The following KCNIP4 variants were observed in gnomAD, a reference collection of about 807,000 sequenced individuals.
KCNIP4 encodes the protein potassium voltage-gated channel interacting protein 4.
Under a neutral mutation model 34.0 loss-of-function variants are expected in KCNIP4, and 12 were observed. The observed-to-expected ratio is 0.35, with a 90% confidence interval of 0.23 to 0.57. The LOEUF is 0.57. Ranked by LOEUF, KCNIP4 falls within the 20% of genes least tolerant of loss-of-function variation. The probability of loss-of-function intolerance (pLI) is 0.83; values close to 1 mark genes in which losing one functional copy is unlikely to be tolerated. For synonymous variants in KCNIP4, 124 were observed against 102.2 expected (o/e 1.21, Z -1.29); for missense variants, 238 against 311.7 (o/e 0.76, Z 1.78).
chr4:21,325,119 A>C (rs1277752899), intron 1 of KCNIP4, among the ~76,000 whole-genome samples: 1 of 151,886 alleles, frequency 6.6e-6, no homozygotes, highest in Non-Finnish European at 1.5e-5. Context: ...CAACTCACAT[A>C]ATATGAGTTT....
chr4:20,983,609 G>T (rs1354668376), intron 1 of KCNIP4, among the ~76,000 whole-genome samples: 1 of 152,112 alleles, frequency 6.6e-6, no homozygotes, highest in Non-Finnish European at 1.5e-5. Flanking sequence ...CAAATAGAAA[G>T]ATAATGGTAC....
At chr4:21,017,889 T>A (rs1739694055) in intron 1 of KCNIP4, among the ~76,000 whole-genome samples, 1 of 152,192 alleles carries the variant, frequency 6.6e-6, no homozygotes, top group African/African-American at 2.4e-5. Context: ...CCACTCTGAC[T>A]GGCATGAGAT....
At chr4:21,476,962 G>T (rs558710539) in intron 1 of KCNIP4, among the ~76,000 whole-genome samples, 1 of 152,130 alleles carries the variant, frequency 6.6e-6, no homozygotes, top group Non-Finnish European at 1.5e-5. Flanking sequence ...TGTCCTAGGT[G>T]CTGAAGATGC....
intron 1 of KCNIP4, among the ~76,000 whole-genome samples, chr4:21,556,929 A>AAAAAAAAAAAAAAAAAAAAAAAAAC (rs1739091307): frequency 6.8e-6 from 1 of 147,688 alleles, no homozygotes; most frequent in Non-Finnish European, 1.5e-5. Flanking sequence ...TCAGAAAAAA[A>AAAAAAAAAAAAAAAAAAAAAAAAAC]AAAAAAAAAA....
intron 1 of KCNIP4, among the ~76,000 whole-genome samples, chr4:21,560,407 TATTATA>T (rs1437690954): frequency 2.0e-5 from 3 of 152,124 alleles, no homozygotes; most frequent in Non-Finnish European, 4.4e-5. Flanking sequence ...TGTAAGTGCC[TATTATA>T]GATCAAAGTT....
At chr4:20,848,845 T>C (rs1720687024) in intron 3 of KCNIP4, among the ~76,000 whole-genome samples, 1 of 152,214 alleles carries the variant, frequency 6.6e-6, no homozygotes, top group Admixed American at 6.5e-5. Flanking sequence ...CTCTGAATTA[T>C]AGCAAAGAAG....
intron 1 of KCNIP4, among the ~76,000 whole-genome samples, chr4:21,384,683 C>T (rs917488804): frequency 2.0e-5 from 3 of 152,118 alleles, no homozygotes; most frequent in Admixed American, 2.0e-4. Flanking sequence ...GAGAATTTGC[C>T]CCAGAGAATT....
rs541018841 is a variant in KCNIP4 at position 21,461,247 on chromosome 4, G to A, written c.61+487324C>T. ...TCTCTCCACTGCTCCACCATGGGAA[G>A]ATGTGCCTTGCTTCTCCTTCACCTT... On this transcript the variant is annotated intron_variant, in intron 1 of 8. Coordinates refer to ENST00000382152, the MANE Select transcript of KCNIP4 (RefSeq NM_025221.6). 8.5e-5 allele frequency among the ~76,000 whole-genome samples: 13 copies of A among 152,090 alleles called. No individual in the cohort carries two copies. In the South Asian group the frequency reaches 1.0e-3, roughly 12 times the overall value.
chr4:21,094,912 C>A (rs554015792), intron 1 of KCNIP4, among the ~76,000 whole-genome samples: 10 of 152,276 alleles, frequency 6.6e-5, no homozygotes, highest in African/African-American at 2.2e-4. Flanking sequence ...AGTGCCAGAT[C>A]TAAGATCAGG....
intron 1 of KCNIP4, among the ~76,000 whole-genome samples, chr4:21,298,343 A>T (rs1161956634): frequency 1.3e-5 from 2 of 152,080 alleles, no homozygotes; most frequent in Non-Finnish European, 2.9e-5. Flanking sequence ...TTATGCTTTA[A>T]TTCAATGCTG....
At chr4:20,867,788 C>A (rs1311984235) in intron 2 of KCNIP4, among the ~76,000 whole-genome samples, 4 of 151,988 alleles carry the variant, frequency 2.6e-5, no homozygotes, top group Admixed American at 6.6e-5. Flanking sequence ...GGACAAAAAA[C>A]CAAACACTGC....
At chr4:21,442,764 T>C (rs1727602104) in intron 1 of KCNIP4, among the ~76,000 whole-genome samples, 1 of 152,184 alleles carries the variant, frequency 6.6e-6, no homozygotes, top group East Asian at 1.9e-4. Context: ...ACTTATTATC[T>C]TGATGACCTT....
intron 1 of KCNIP4, among the ~76,000 whole-genome samples, chr4:21,903,705 T>G (rs909161949): frequency 2.0e-5 from 3 of 152,166 alleles, no homozygotes; most frequent in Non-Finnish European, 2.9e-5. Flanking sequence ...TCATGAAATA[T>G]GCAATTTATT....
At chr4:21,769,716 A>T (rs1169161735) in intron 1 of KCNIP4, among the ~76,000 whole-genome samples, 1 of 152,126 alleles carries the variant, frequency 6.6e-6, no homozygotes, top group Non-Finnish European at 1.5e-5. Flanking sequence ...AATTTATGAC[A>T]CTGACGTGCA....
Position 21,545,723 on chromosome 4 carries a change from T to G in KCNIP4, c.61+402848A>C, listed in dbSNP as rs989045845. Among the ~76,000 whole-genome samples the G allele has an allele frequency of 5.3e-5, 8 of 152,306 alleles. No individual in the cohort carries two copies. The South Asian group carries it at 1.4e-3, about 28-fold the overall frequency. ...TGCAAAGGACATGAACTCATCCTTT[T>G]TTATGGCTGCATAGTATTCCATGGT... is the stretch of plus-strand genomic sequence containing the variant. On this transcript the variant is annotated intron_variant, in intron 1 of 8. Coordinates refer to ENST00000382152, the MANE Select transcript of KCNIP4 (RefSeq NM_025221.6).
At chr4:20,993,623 G>A (rs933717158) in intron 1 of KCNIP4, among the ~76,000 whole-genome samples, 30 of 152,330 alleles carry the variant, frequency 2.0e-4, no homozygotes, top group African/African-American at 6.7e-4. Context: ...CTGGGAATGA[G>A]TTTTCCTAGA....
rs1824471 is a variant in KCNIP4 at position 21,589,587 on chromosome 4, T to G, written c.61+358984A>C. On this transcript the variant is annotated intron_variant, in intron 1 of 8. Transcript: ENST00000382152. Reference sequence around the variant, plus strand: ...GAAAATAAGAAACAAGAAGCTACATTTAAGAAGCAGCTGCTTCTCTGTATT... The same window carrying G: ...GAAAATAAGAAACAAGAAGCTACATGTAAGAAGCAGCTGCTTCTCTGTATT... Among the ~76,000 whole-genome samples the G allele has an allele frequency of 4.7e-3, 711 of 151,890 alleles. 10 individuals are homozygous for G. The highest frequency in any genetic ancestry group is 0.016 in the African/African-American group (683 of 41,498).
At chr4:21,710,017 T>C (rs992041633) in intron 1 of KCNIP4, among the ~76,000 whole-genome samples, 2 of 152,160 alleles carry the variant, frequency 1.3e-5, no homozygotes, top group Non-Finnish European at 2.9e-5. Context: ...AGGGCCCACA[T>C]TGGCATGCCC....
At chr4:21,090,145 A>G (rs1016970641) in intron 1 of KCNIP4, among the ~76,000 whole-genome samples, 2 of 152,114 alleles carry the variant, frequency 1.3e-5, no homozygotes, top group Admixed American at 1.3e-4. Flanking sequence ...TCACACGTAT[A>G]GCCTGTTCTC....
Sources: gnomAD v4.1 joint callset for allele counts (sites outside exome capture counted in the v4.1 genomes callset) on GRCh38, gnomAD v4.1.1 for gene constraint, MANE v1.5 for transcripts, NCBI Gene and HGNC (gene_info 2026-07-23, HGNC 2026-07-21) for gene names.